Variants in DNMT1 observed in about 807,000 individuals in gnomAD.
DNMT1 encodes DNA methyltransferase 1.
In DNMT1, 24 loss-of-function variants were observed where a neutral mutation model predicts 205.3. That is an observed-to-expected ratio of 0.12 (90% CI 0.08 to 0.16). The LOEUF is 0.16. Among genes scored for constraint, DNMT1 ranks in the 10% least tolerant of loss-of-function variants. DNMT1 has a pLI of 1.00. For missense variants in DNMT1, 1,293 were observed against 2,177.7 expected (o/e 0.59, Z 8.09); for synonymous variants, 817 against 839.8 (o/e 0.97, Z 0.47).
At chr19:10,163,528 T>TC (rs1408889263) in intron 11 of DNMT1, among the ~76,000 whole-genome samples, 168 bp from the exon 12 acceptor site, 1 of 152,044 alleles carries the variant, frequency 6.6e-6, no homozygotes, top group Non-Finnish European at 1.5e-5. Flanking sequence ...ACACGAGGCT[T>TC]CACTTTCCCT....
In DNMT1 at chr19:10,151,721, C is replaced by T. The variant is rs1468323894; in HGVS notation, c.2117+29G>A. ...CTGCCACCAGCTGGCAAGTCCTCTG[C>T]CACAGGAGGAAGACTCGGCCTGACC... On this transcript the variant is annotated intron_variant, in intron 23 of 40. Transcript: ENST00000359526. This position sits in a 1 kb window ranked among gnomAD's most constrained non-coding sequence, Gnocchi z 5.0. 1.2e-6 allele frequency: 2 copies of T among 1,613,516 alleles called. No individual in the cohort carries two copies. The highest frequency in any genetic ancestry group is 1.1e-5 in the South Asian group (1 of 91,074).
chr19:10,140,289 G>C lies in DNMT1; in HGVS notation c.3563C>G (p.Pro1188Arg), dbSNP rs1193652618. The change falls in exon 33 of 41, where the codon CCT (proline) becomes CGT (arginine). Residue 1188 changes from proline (P) to arginine (R), a missense_variant. Physicochemically the swap from Pro to Arg is moderately radical, Grantham distance 103. Around this residue, in one of 13 missense-constraint regions of DNMT1, gnomAD observed 26 missense variants for 86.5 expected, o/e 0.30. Transcript: ENST00000359526. The surrounding 1 kb of genome is among the most constrained non-coding windows in gnomAD (Gnocchi z 8.4). ...GTTCAGCCGGAACGCCTGGGCCGCA[G>C]GGTCCCACATCTCGATGGCCCACAG... ...DTLWAIEMWD[P>R]AAQAFRLNNP... 6.2e-7 allele frequency: 1 copy of C among 1,614,064 alleles called. No individual in the cohort carries two copies.
At chr19:10,144,129 G>A (rs1156691352) in intron 28 of DNMT1, 142 bp from the exon 29 acceptor site, 6 of 894,098 alleles carry the variant, frequency 6.7e-6, no homozygotes, top group Non-Finnish European at 1.1e-5. Context: ...AATGATTTAG[G>A]CTGGGCATTG....
rs531388959 is a variant in DNMT1 at position 10,156,231 on chromosome 19, G to A, written c.1399+160C>T. 1.3e-3 allele frequency among the ~76,000 whole-genome samples: 200 copies of A among 150,430 alleles called. No homozygotes were observed. The highest frequency in any genetic ancestry group is 4.8e-3 in the African/African-American group (196 of 40,904). On this transcript the variant is annotated intron_variant, in intron 18 of 40. Transcript: ENST00000359526. The surrounding 1 kb of genome is among the most constrained non-coding windows in gnomAD (Gnocchi z 4.2). ...ATATGCTATATATTTTTTTTTAATA[G>A]AGGCAGGCTCTTGCTATGTTGTCCA...
intron 30 of DNMT1, 151 bp downstream of exon 30, chr19:10,141,877 C>T (rs2089607274): frequency 1.2e-6 from 1 of 863,622 alleles, no homozygotes; most frequent in South Asian, 1.7e-5. Context: ...CCCCGTAAAG[C>T]TCCTGCAGAA....
Position 10,143,918 on chromosome 19 carries a change from G to A in DNMT1, c.2964C>T (p.His988=). The change falls in exon 29 of 41, where the codon CAC becomes CAT. Residue 988 remains histidine, a synonymous_variant. Transcript: ENST00000359526. Reference sequence around the variant, plus strand: ...TGATGTAGTCGGAGTATTTCCGGTAGTGCTCTGGGTACAGGTCCTCATCCA... The same window carrying A: ...TGATGTAGTCGGAGTATTTCCGGTAATGCTCTGGGTACAGGTCCTCATCCA... ...EPVDEDLYPE[H]YRKYSDYIKG... The A allele has an allele frequency of 6.2e-7, 1 of 1,614,192 alleles. No individual in the cohort carries two copies. Among genetic ancestry groups the A allele is most frequent in the Non-Finnish European group, 8.5e-7 (1 of 1,180,042 alleles).
intron 28 of DNMT1, chr19:10,144,193 A>G: frequency 1.7e-6 from 1 of 603,996 alleles, no homozygotes; most frequent in South Asian, 1.8e-5. Flanking sequence ...GTGGACCACA[A>G]GGTCAGAAGT....
At chr19:10,166,214 G>A (rs2038690219) in intron 11 of DNMT1, among the ~76,000 whole-genome samples, 1 of 152,180 alleles carries the variant, frequency 6.6e-6, no homozygotes, top group Non-Finnish European at 1.5e-5. Context: ...GGGAGAGCTA[G>A]ACTCAGAACG....
intron 17 of DNMT1, among the ~76,000 whole-genome samples, chr19:10,157,132 TTC>T (rs1351932155): frequency 6.6e-6 from 1 of 152,122 alleles, no homozygotes; most frequent in African/African-American, 2.4e-5. Flanking sequence ...TGCAGAACAT[TTC>T]TGTCACTCAA....
chr19:10,171,993 C>T (rs187046285), intron 9 of DNMT1, among the ~76,000 whole-genome samples: 40 of 149,584 alleles, frequency 2.7e-4, no homozygotes, highest in African/African-American at 8.4e-4. Flanking sequence ...GGTGATAGAG[C>T]GGGAGACTGT....
chr19:10,172,759 G>A (rs961590154), intron 9 of DNMT1, among the ~76,000 whole-genome samples: 1 of 151,972 alleles, frequency 6.6e-6, no homozygotes, highest in Non-Finnish European at 1.5e-5. Context: ...AGGTTGCAAC[G>A]AGCCGAGATC....
At chr19:10,142,742 T>C (rs1389118610) in intron 29 of DNMT1, 1 of 163,346 alleles carries the variant, frequency 6.1e-6, no homozygotes, top group Non-Finnish European at 1.4e-5. Context: ...CAGGTAAAGA[T>C]AACCCCTCCC....
chr19:10,151,841 G>A lies in DNMT1; in HGVS notation c.2026C>T (p.Gln676Ter). ...TTACATTTCCCACACTCAGGCTGCT[G>A]ACACACCTAAAAAATGGCATTAAAA... ...RRRCGVCEVC[Q>*]QPECGKCKAC... Residue 676 changes from glutamine (Q) to a stop codon, truncating the protein, a stop_gained, in exon 23 of 41, where the codon CAG becomes TAG. Coordinates refer to ENST00000359526, the MANE Select transcript of DNMT1 (RefSeq NM_001130823.3). LOFTEE classifies it high-confidence loss of function. This position sits in a 1 kb window ranked among gnomAD's most constrained non-coding sequence, Gnocchi z 5.0. 1 of 1,613,962 alleles carries A rather than the reference G, an allele frequency of 6.2e-7. No individual in the cohort carries two copies. Among genetic ancestry groups the A allele is most frequent in the African/African-American group, 1.3e-5 (1 of 75,016 alleles).
At chr19:10,163,242 C>T (rs2038617288) in intron 12 of DNMT1, 84 bp downstream of exon 12, 3 of 1,490,100 alleles carry the variant, frequency 2.0e-6, no homozygotes, top group Non-Finnish European at 2.8e-6. Flanking sequence ...GCTGGGATTA[C>T]AGGTGCAAGC....
In DNMT1 at chr19:10,137,324, C is replaced by T. The variant is rs527614200; in HGVS notation, c.4294-44G>A. ...CCCAGCTGTCACCTCATGTGAGCAG[C>T]ATCCGAGCATCCATGGTGGGCTGGG... On this transcript the variant is annotated intron_variant, in intron 36 of 40. Coordinates refer to ENST00000359526, the MANE Select transcript of DNMT1 (RefSeq NM_001130823.3). This position sits in a 1 kb window ranked among gnomAD's most constrained non-coding sequence, Gnocchi z 6.4. 1.2e-5 allele frequency: 19 copies of T among 1,562,702 alleles called. No homozygotes were observed. The South Asian group carries it at 2.2e-4, about 18-fold the overall frequency.
At chr19:10,194,744 ACCCCGAGGGGAAGCGACC>A in intron 1 of DNMT1, 58 bp downstream of exon 1, 1 of 1,499,698 alleles carries the variant, frequency 6.7e-7, no homozygotes, top group African/African-American at 1.5e-5. Flanking sequence ...GCCACCGGCC[ACCCCGAGGGGAAGCGACC>A]CCCCACCCAG....
intron 1 of DNMT1, among the ~76,000 whole-genome samples, chr19:10,184,841 C>T (rs544524035): frequency 3.5e-4 from 53 of 152,310 alleles, no homozygotes; most frequent in African/African-American, 1.1e-3. Context: ...GACCTTTCCA[C>T]CTAGCACCCG....
Position 10,159,591 on chromosome 19 carries a change from G to T in DNMT1, c.1280+67C>A. 6.7e-7 allele frequency: 1 copy of T among 1,498,872 alleles called. No homozygotes were observed. The allele number at this position is 1,498,872 out of a possible 1,614,324, so 92.8% of individuals were successfully genotyped here. A position where few individuals can be genotyped will look rare whatever the true frequency, so the allele number is the denominator to read the frequency against. On this transcript the variant is annotated intron_variant, in intron 17 of 40. Coordinates refer to ENST00000359526, the MANE Select transcript of DNMT1 (RefSeq NM_001130823.3). The surrounding 1 kb of genome is among the most constrained non-coding windows in gnomAD (Gnocchi z 5.0). The stretch of plus-strand genomic sequence containing the variant: ...CTAAAAAACATCACCAGAATCGTGA[G>T]CCCGCAGGCACCTCTGGGGATGTGC...
In DNMT1 at chr19:10,194,907, G is replaced by A. The variant is rs755457200; in HGVS notation, c.-8C>T. 1.9e-6 allele frequency: 3 copies of A among 1,603,962 alleles called. No individual in the cohort carries two copies. Among genetic ancestry groups the A allele is most frequent in the Non-Finnish European group, 1.7e-6 (2 of 1,174,988 alleles). On this transcript the variant is annotated 5_prime_UTR_variant, in exon 1 of 41. Transcript: ENST00000359526. The stretch of plus-strand genomic sequence containing the variant: ...GGCGGTACGCGCCGGCATCTCGGAG[G>A]CTTCAGCAGACGCGGCGGCGGCAGC...
Sources: gnomAD v4.1 joint callset for allele counts (sites outside exome capture counted in the v4.1 genomes callset) on GRCh38, gnomAD v4.1.1 for gene constraint, gnomAD v4.1.1 regional missense constraint, Gnocchi (gnomAD v3.1) non-coding constraint, MANE v1.5 for transcripts, NCBI Gene and HGNC (gene_info 2026-07-23, HGNC 2026-07-21) for gene names.